Variants in SH3TC2 observed in about 807,000 individuals in gnomAD.
The protein encoded by SH3TC2 is SH3 domain and tetratricopeptide repeats 2, also known as SH3 domain and tetratricopeptide repeat-containing protein 2.
A neutral mutation model predicts 124.5 loss-of-function variants in SH3TC2; 87 were observed. The observed-to-expected ratio is 0.70, with a 90% CI of 0.59 to 0.84. SH3TC2 has a LOEUF of 0.84. Ranked by LOEUF, SH3TC2 falls within the 40% of genes least tolerant of loss-of-function variation. The probability of loss-of-function intolerance (pLI) is 0.00; values close to 1 mark genes in which losing one functional copy is unlikely to be tolerated. For missense variants in SH3TC2, 1,536 were observed against 1,566.4 expected, an observed-to-expected ratio of 0.98 and a Z score of 0.33; for synonymous variants, 634 against 628.5, an observed-to-expected ratio of 1.01 and a Z score of -0.13.
chr5:149,060,032 T>A (rs1244995286), intron 1 of SH3TC2, among the ~76,000 whole-genome samples: 6 of 152,244 alleles, frequency 3.9e-5, no homozygotes, highest in African/African-American at 1.4e-4. Flanking sequence ...TTTACTATTA[T>A]CAGCATTCAC....
In SH3TC2 at chr5:148,984,460, A is replaced by C. The variant is rs1467775858; in HGVS notation, c.*20251T>G. On this transcript the variant is annotated 3_prime_UTR_variant, in exon 17 of 17. Transcript: ENST00000515425. ...ACTTATAGTGACTTCCTGAAGAACTATATTGGGAAAAACCCTGGGGCCTTG... is the reference window on the plus strand; with the variant it reads ...ACTTATAGTGACTTCCTGAAGAACTCTATTGGGAAAAACCCTGGGGCCTTG... Among the ~76,000 whole-genome samples the C allele has an allele frequency of 6.6e-6, 1 of 152,152 alleles. No homozygotes were observed. The highest frequency in any genetic ancestry group is 1.5e-5 in the Non-Finnish European group (1 of 68,024).
chr5:149,006,056 G>C, intron 16 of SH3TC2: 1 of 152,476 alleles, frequency 6.6e-6, no homozygotes, highest in Non-Finnish European at 1.5e-5. Context: ...CTTGAGTCCA[G>C]CAGTTCGAGA....
rs1170201448 is a variant in SH3TC2, at chr5:148,984,237, CCTT to C, written c.*20471_*20473del. Among the ~76,000 whole-genome samples, 1 of 151,734 alleles carries C rather than the reference CCTT, an allele frequency of 6.6e-6. No individual in the cohort carries two copies. The highest frequency in any genetic ancestry group is 1.5e-5 in the Non-Finnish European group (1 of 67,908). ...TCTTTTATTCTTTTTTCTTTTTGTT[CCTT>C]CGACTGGATAATTTCAAGTGTCCTG... On this transcript the variant is annotated 3_prime_UTR_variant, in exon 17 of 17. Coordinates refer to ENST00000515425, the MANE Select transcript of SH3TC2 (RefSeq NM_024577.4).
At position 148,994,394 on chromosome 5, in the gene SH3TC2, A is replaced by G. The variant is rs1753469610; in HGVS notation, c.*10317T>C. On this transcript the variant is annotated 3_prime_UTR_variant, in exon 17 of 17. Transcript: ENST00000515425. The stretch of plus-strand genomic sequence containing the variant: ...AACCTTTAGTACAGTGTTTGAGGTA[A>G]AAGTGCTCAAATCTAAGCTGTGATG... 1.3e-5 allele frequency among the ~76,000 whole-genome samples: 2 copies of G among 152,238 alleles called. No individual in the cohort carries two copies. The highest frequency in any genetic ancestry group is 2.9e-5 in the Non-Finnish European group (2 of 68,040).
rs141544031 is a variant in SH3TC2, at chr5:149,028,682, A to C, written c.1172T>G (p.Leu391Arg). The C allele has an allele frequency of 4.8e-5, 77 of 1,614,062 alleles. No homozygotes were observed. The African/African-American group carries it at 9.6e-4, about 20-fold the overall frequency. Residue 391 changes from leucine to arginine, a missense_variant, in exon 10 of 17, where the codon CTG becomes CGG. This residue lies in a region of SH3TC2 where 1,102 missense variants were observed against 1,098.6 expected (regional missense o/e 1.00). Coordinates refer to ENST00000515425, the MANE Select transcript of SH3TC2 (RefSeq NM_024577.4). ...FESIQNPPND[L>R]SASQPEGFKE... is the part of the protein sequence containing the mutation. Reference sequence around the variant, plus strand: ...TCAGCATGATCGCTACTCACCACTCAGATCATTTGGAGGATTCTGGATGGA... The same window carrying C: ...TCAGCATGATCGCTACTCACCACTCCGATCATTTGGAGGATTCTGGATGGA...
intron 1 of SH3TC2, among the ~76,000 whole-genome samples, chr5:149,060,592 T>C (rs115747530): frequency 1.8e-3 from 270 of 152,272 alleles, no homozygotes; most frequent in African/African-American, 6.2e-3. Flanking sequence ...GGACTCACTG[T>C]TTTGGTGTCT....
chr5:148,992,488 C>T lies in SH3TC2; in HGVS notation c.*12223G>A, dbSNP rs977887700. Among the ~76,000 whole-genome samples the T allele has an allele frequency of 1.8e-4, 27 of 151,880 alleles. No homozygotes were observed. Among genetic ancestry groups the T allele is most frequent in the African/African-American group, 6.0e-4 (25 of 41,330 alleles). On this transcript the variant is annotated 3_prime_UTR_variant, in exon 17 of 17. Coordinates refer to ENST00000515425, the MANE Select transcript of SH3TC2 (RefSeq NM_024577.4). ...CCCTGGACAGGTCCTGACAGATTAC[C>T]GAGACTGAGGTTTTTAACTCATCAT...
chr5:149,016,633 T>C (rs1022836848), intron 12 of SH3TC2, among the ~76,000 whole-genome samples: 15 of 152,260 alleles, frequency 9.9e-5, no homozygotes, highest in Admixed American at 7.8e-4. Context: ...AATGTAAGAA[T>C]AAAAGCCAGA....
At chr5:149,009,774 C>T (rs1487266417) in intron 14 of SH3TC2, among the ~76,000 whole-genome samples, 5 of 152,072 alleles carry the variant, frequency 3.3e-5, no homozygotes, top group Admixed American at 2.0e-4. Context: ...CCTCATCCTT[C>T]GCAATAATAT....
chr5:149,023,583 CTTTTT>C (rs5872108), intron 12 of SH3TC2, among the ~76,000 whole-genome samples: 4 of 107,248 alleles, frequency 3.7e-5, no homozygotes, highest in Non-Finnish European at 3.7e-5. Flanking sequence ...TAGTGTAATC[CTTTTT>C]TTTTTTTTTT....
Position 149,041,589 on chromosome 5 carries a change from G to T in SH3TC2, c.558C>A (p.Ser186=), listed in dbSNP as rs141289653. 1.2e-6 allele frequency: 2 copies of T among 1,614,050 alleles called. No homozygotes were observed. Among genetic ancestry groups the T allele is most frequent in the Admixed American group, 3.3e-5 (2 of 60,004 alleles). The stretch of plus-strand genomic sequence containing the variant: ...CTTCCTTCTCGGCTGGTGGAGTCAC[G>T]GAGCACAGGGCTCTGCAGAAGAAGT... The part of the protein sequence containing the change: ...EGHFFCRALC[S]VTPPAEKEGE... Residue 186 remains serine, a synonymous_variant, in exon 6 of 17, where the codon TCC becomes TCA. Transcript: ENST00000515425.
intron 3 of SH3TC2, 31 bp downstream of exon 3, chr5:149,047,831 C>G: frequency 5.6e-6 from 9 of 1,613,226 alleles, no homozygotes; most frequent in Non-Finnish European, 5.9e-6. Context: ...CAAGTCAGTA[C>G]TCAGCATTCA....
rs920402940 is a variant in SH3TC2, at chr5:148,985,531, T to C, written c.*19180A>G. Reference sequence around the variant, plus strand: ...TGATGTAACTCCAAGTTGTTGCATGTATTGGGTGCTCATTTCTTTTTATTA... The same window carrying C: ...TGATGTAACTCCAAGTTGTTGCATGCATTGGGTGCTCATTTCTTTTTATTA... On this transcript the variant is annotated 3_prime_UTR_variant, in exon 17 of 17. Coordinates refer to ENST00000515425, the MANE Select transcript of SH3TC2 (RefSeq NM_024577.4). 1.3e-5 allele frequency among the ~76,000 whole-genome samples: 2 copies of C among 152,216 alleles called. No homozygotes were observed. Among genetic ancestry groups the C allele is most frequent in the African/African-American group, 4.8e-5 (2 of 41,452 alleles).
intron 1 of SH3TC2, among the ~76,000 whole-genome samples, chr5:149,059,486 T>G (rs1486212082): frequency 6.6e-6 from 1 of 152,084 alleles, no homozygotes; most frequent in Non-Finnish European, 1.5e-5. Context: ...GCATGTTTTT[T>G]TTTTCCTGTA....
At chr5:149,040,780 T>G in intron 6 of SH3TC2, 103 bp from the exon 7 acceptor site, 1 of 1,012,310 alleles carries the variant, frequency 9.9e-7, no homozygotes, top group Non-Finnish European at 1.5e-6. Context: ...AGTATTGTTT[T>G]TTCTCTTATT....
chr5:149,047,565 T>C (rs983379406), intron 3 of SH3TC2: 6 of 386,260 alleles, frequency 1.6e-5, no homozygotes, highest in African/African-American at 1.0e-4. Context: ...GTAGGTATTA[T>C]AACAACTCCC....
chr5:149,006,565 G>A (rs1426134792), intron 16 of SH3TC2, among the ~76,000 whole-genome samples: 1 of 152,124 alleles, frequency 6.6e-6, no homozygotes, highest in Admixed American at 6.6e-5. Context: ...ATAGGCCCTT[G>A]AGAGACTTAC....
chr5:149,013,944 G>A (rs756650388), intron 12 of SH3TC2, among the ~76,000 whole-genome samples: 8 of 152,170 alleles, frequency 5.3e-5, no homozygotes, highest in Non-Finnish European at 1.0e-4. Flanking sequence ...CACAAGCACT[G>A]TGTCTAAGCT....
intron 14 of SH3TC2, 54 bp from the exon 15 acceptor site, chr5:149,009,055 C>A: frequency 6.2e-7 from 1 of 1,609,180 alleles, no homozygotes; most frequent in Non-Finnish European, 8.5e-7. Context: ...TCAGTGCATA[C>A]CATAGCTAGG....
Sources: gnomAD v4.1 joint callset for allele counts (sites outside exome capture counted in the v4.1 genomes callset) on GRCh38, gnomAD v4.1.1 for gene constraint, gnomAD v4.1.1 regional missense constraint, MANE v1.5 for transcripts, NCBI Gene and HGNC (gene_info 2026-07-23, HGNC 2026-07-21) for gene names.